Variants in CERK observed in about 807,000 individuals in gnomAD.
The protein encoded by CERK is acylsphingosine kinase.
Under a neutral mutation model 63.4 loss-of-function variants are expected in CERK, and 39 were observed. That is an observed-to-expected ratio of 0.61 (90% CI 0.48 to 0.80). The LOEUF (loss-of-function observed/expected upper bound fraction) is 0.80, where lower values mean the gene tolerates loss of function less well. CERK is among the 30% of genes least tolerant of loss of function. The pLI is 0.00. For synonymous variants in CERK, 302 were observed against 280.0 expected (o/e 1.08, Z -0.78); for missense variants, 670 against 714.1 (o/e 0.94, Z 0.70).
At chr22:46,716,383 G>A (rs894085918) in intron 3 of CERK, among the ~76,000 whole-genome samples, 1 of 151,098 alleles carries the variant, frequency 6.6e-6, no homozygotes, top group Non-Finnish European at 1.5e-5. Flanking sequence ...TAGAGATGGG[G>A]TTTCACCATG....
At chr22:46,736,805 A>G (rs1305167021) in intron 1 of CERK, among the ~76,000 whole-genome samples, 3 of 152,022 alleles carry the variant, frequency 2.0e-5, no homozygotes, top group African/African-American at 7.3e-5. Flanking sequence ...CCAGAACCCA[A>G]CCCACAGATC....
intron 10 of CERK, 107 bp from the exon 11 acceptor site, chr22:46,691,884 A>T: frequency 2.7e-6 from 2 of 738,612 alleles, no homozygotes; most frequent in Non-Finnish European, 2.2e-6. Flanking sequence ...TCATGCATTT[A>T]GCAGACACTT....
rs1345061358 is a variant in CERK at position 46,685,838 on chromosome 22, T to G, written c.*1296A>C. ...TTAAACATGAAATCACTAAGGGAGC[T>G]TCTGCAAAACCCACCCGGCAGCATG... On this transcript the variant is annotated 3_prime_UTR_variant, in exon 13 of 13. Transcript: ENST00000216264. The G allele has an allele frequency of 6.6e-6, 1 of 152,152 alleles. No homozygotes were observed. The allele number at this position is 152,152 out of a possible 1,614,324, so 9.4% of individuals were successfully genotyped here.
intron 9 of CERK, among the ~76,000 whole-genome samples, chr22:46,694,803 G>A (rs191687129): frequency 2.4e-3 from 362 of 152,290 alleles, no homozygotes; most frequent in South Asian, 3.7e-3. Flanking sequence ...CTCTACCAAC[G>A]GTCCTGCCAC....
At position 46,738,027 on chromosome 22, in the gene CERK, C is replaced by A; in HGVS notation, c.122G>T (p.Gly41Val). Residue 41 changes from glycine (G) to valine (V), a missense_variant, in exon 1 of 13, where the codon GGA becomes GTA. Transcript: ENST00000216264. ...CTCACCCGCGCCGGGGGCGCCGGCTCCGGGCCCCGGGCTCCGCCACCAGCG... is the reference window on the plus strand; with the variant it reads ...CTCACCCGCGCCGGGGGCGCCGGCTACGGGCCCCGGGCTCCGCCACCAGCG... ...LLRWWRSPGP[G>V]AGAPGADACS... The A allele has an allele frequency of 8.4e-7, 1 of 1,194,312 alleles. No individual in the cohort carries two copies. Among genetic ancestry groups the A allele is most frequent in the Non-Finnish European group, 1.0e-6 (1 of 967,004 alleles). 74.0% of individuals were successfully genotyped at this position (1,194,312 alleles called of 1,614,324 possible). A position where few individuals can be genotyped will look rare whatever the true frequency, so the allele number is the denominator to read the frequency against.
At chr22:46,688,794 C>T (rs534791822) in intron 12 of CERK, among the ~76,000 whole-genome samples, 39 of 152,386 alleles carry the variant, frequency 2.6e-4, no homozygotes, top group Non-Finnish European at 5.0e-4. Flanking sequence ...ACTCTGTTAA[C>T]GAGCGTCAAG....
rs1319586088 is a variant in CERK, at chr22:46,693,622, CT to C, written c.1050-120del. The C allele has an allele frequency of 3.7e-6, 3 of 805,334 alleles. No homozygotes were observed. The African/African-American group carries it at 5.2e-5, about 14-fold the overall frequency. The allele number at this position is 805,334 out of a possible 1,614,324, so 49.9% of individuals were successfully genotyped here. ...ATACGAAAAAATTCCATTTCAAAGG[CT>C]TAACAAAATATTTTTTGGCATATTA... is the stretch of plus-strand genomic sequence containing the variant. On this transcript the variant is annotated intron_variant, in intron 9 of 12. Transcript: ENST00000216264.
rs2082704655 is a variant in CERK, at chr22:46,686,957, T to A, written c.*177A>T. The A allele has an allele frequency of 1.6e-6, 1 of 628,772 alleles. No homozygotes were observed. Among genetic ancestry groups the A allele is most frequent in the African/African-American group, 1.8e-5 (1 of 54,358 alleles). The allele number at this position is 628,772 out of a possible 1,614,324, so 38.9% of individuals were successfully genotyped here. On this transcript the variant is annotated 3_prime_UTR_variant, in exon 13 of 13. Transcript: ENST00000216264. ...TGCAACCCGCAGATGCGTACAGAACTGAAAATGCCAAATATGTACACAAAA... is the reference window on the plus strand; with the variant it reads ...TGCAACCCGCAGATGCGTACAGAACAGAAAATGCCAAATATGTACACAAAA...
intron 4 of CERK, 109 bp from the exon 5 acceptor site, chr22:46,711,258 G>C: frequency 1.3e-6 from 1 of 785,018 alleles, no homozygotes; most frequent in Non-Finnish European, 2.2e-6. Flanking sequence ...CCTTCAGGCG[G>C]ATTTCCTAGA....
At chr22:46,721,261 A>AC (rs772550751) in intron 1 of CERK, among the ~76,000 whole-genome samples, 4 of 151,854 alleles carry the variant, frequency 2.6e-5, no homozygotes, top group Admixed American at 2.0e-4. Flanking sequence ...ACAGCACAAG[A>AC]CCCCATCTCC....
At chr22:46,710,935 T>C (rs2082837621) in intron 5 of CERK, 151 bp downstream of exon 5, 2 of 630,388 alleles carry the variant, frequency 3.2e-6, no homozygotes, top group Admixed American at 5.9e-5. Context: ...TTTTCTTTCT[T>C]GCCTTCCTGT....
At chr22:46,712,993 C>T (rs567932330) in intron 3 of CERK, among the ~76,000 whole-genome samples, 5 of 151,806 alleles carry the variant, frequency 3.3e-5, no homozygotes, top group Admixed American at 1.3e-4. Context: ...TACAGGCGCC[C>T]GCCACCACGC....
In CERK at chr22:46,691,584, G is replaced by A. The variant is rs2082731755; in HGVS notation, c.1320C>T (p.Asn440=). 1 of 1,613,686 alleles carries A rather than the reference G, an allele frequency of 6.2e-7. No homozygotes were observed. The highest frequency in any genetic ancestry group is 1.3e-5 in the African/African-American group (1 of 74,930). The change falls in exon 11 of 13, where the codon AAC becomes AAT. Residue 440 remains asparagine, a synonymous_variant. Coordinates refer to ENST00000216264, the MANE Select transcript of CERK (RefSeq NM_022766.6). ...GCACCCCACTTACCTGGTCCTGCTG[G>A]TTGGTGTGCCTGATGAGAAATCTCA... The part of the protein sequence containing the change: ...NFLRFLIRHT[N]QQDQFDFTFV...
chr22:46,719,814 C>CT (rs2082883190), intron 3 of CERK, among the ~76,000 whole-genome samples: 1 of 152,242 alleles, frequency 6.6e-6, no homozygotes, highest in Admixed American at 6.5e-5. Flanking sequence ...GAAAGAGAAA[C>CT]TGAGGCTCAG....
At chr22:46,721,068 T>C in intron 1 of CERK, 53 bp from the exon 2 acceptor site, 9 of 1,136,442 alleles carry the variant, frequency 7.9e-6, no homozygotes, top group Non-Finnish European at 1.2e-5. Flanking sequence ...TCCACACAGG[T>C]AAAATCAGTC....
chr22:46,693,621 G>C, intron 9 of CERK, 118 bp from the exon 10 acceptor site: 1 of 819,322 alleles, frequency 1.2e-6, no homozygotes. Context: ...CATTTCAAAG[G>C]CTTAACAAAA....
At chr22:46,708,096 G>T in intron 5 of CERK, 108 bp from the exon 6 acceptor site, 1 of 1,291,922 alleles carries the variant, frequency 7.7e-7, no homozygotes. Context: ...CCTGGCCCTT[G>T]GCAGGCATCT....
At chr22:46,690,236 A>C (rs763512448) in intron 11 of CERK, 36 bp from the exon 12 acceptor site, 1 of 1,588,386 alleles carries the variant, frequency 6.3e-7, no homozygotes, top group Non-Finnish European at 8.6e-7. Context: ...ATTCAGCTCT[A>C]AACGTCATCG....
intron 1 of CERK, among the ~76,000 whole-genome samples, chr22:46,732,281 C>T (rs185991561): frequency 5.9e-5 from 9 of 152,274 alleles, no homozygotes; most frequent in South Asian, 2.1e-4. Flanking sequence ...TGGAAGTCCA[C>T]GCTGGGCTAA....
Sources: gnomAD v4.1 joint callset for allele counts (sites outside exome capture counted in the v4.1 genomes callset) on GRCh38, gnomAD v4.1.1 for gene constraint, MANE v1.5 for transcripts, NCBI Gene and HGNC (gene_info 2026-07-23, HGNC 2026-07-21) for gene names.